The following CUX1 variants were observed in gnomAD, a reference collection of about 807,000 sequenced individuals.
The protein encoded by CUX1 is cut like homeobox 1.
Under a neutral mutation model 158.8 loss-of-function variants are expected in CUX1, and 31 were observed. The observed-to-expected ratio is 0.20, with a 90% CI of 0.15 to 0.26. CUX1 has a LOEUF of 0.26. Among genes scored for constraint, CUX1 ranks in the 10% least tolerant of loss-of-function variants. The probability of loss-of-function intolerance (pLI) is 1.00; values close to 1 mark genes in which losing one functional copy is unlikely to be tolerated. For synonymous variants in CUX1, 879 were observed against 862.1 expected (o/e 1.02, Z -0.34); for missense variants, 1,589 against 2,014.6 (o/e 0.79, Z 4.04).
intron 2 of CUX1, among the ~76,000 whole-genome samples, chr7:102,021,550 C>T (rs1819344143): frequency 6.6e-6 from 1 of 151,952 alleles, no homozygotes; most frequent in Non-Finnish European, 1.5e-5. Flanking sequence ...TCAAGCAATC[C>T]TCCTGCCTTG....
chr7:101,922,309 A>T (rs1368415030), intron 2 of CUX1, among the ~76,000 whole-genome samples: 1 of 152,218 alleles, frequency 6.6e-6, no homozygotes, highest in East Asian at 1.9e-4. Flanking sequence ...GAATGACTGG[A>T]ATCTTCTGAC....
In CUX1 at chr7:102,189,395, TAAAA is replaced by T. The variant is rs781927755; in HGVS notation, c.1018-411_1018-408del. The stretch of plus-strand genomic sequence containing the variant: ...GGGGATGCTTTTTTTTTTTTTTTTT[TAAAA>T]AAAAAAGAGGTAGGGTCTCCACTCC... On this transcript the variant is annotated intron_variant, in intron 11 of 23. Transcript: ENST00000292535. Among the ~76,000 whole-genome samples the T allele has an allele frequency of 7.1e-3, 778 of 108,816 alleles. 9 individuals carry two copies. Among genetic ancestry groups the T allele is most frequent in the Middle Eastern group, 0.028 (4 of 142 alleles). 71.4% of individuals were successfully genotyped at this position (108,816 alleles called of 152,430 possible).
intron 3 of CUX1, among the ~76,000 whole-genome samples, chr7:102,030,689 G>GTGTTTTTTTTTGTTTTTTGTTTTT (rs1554459457): frequency 1.2e-5 from 1 of 82,540 alleles, no homozygotes; most frequent in African/African-American, 5.3e-5. Context: ...ATTTTAAAAA[G>GTGTTTTTTTTTGTTTTTTGTTTTT]TGTTTTTTTT....
At position 102,254,133 on chromosome 7, in the gene CUX1, G is replaced by T; in HGVS notation, c.*5091G>T. ...GCTGTGCTCTGCAAGGCACACGGAT[G>T]TTTCCCTTCCACCTGTTCCCAAAGC... On this transcript the variant is annotated 3_prime_UTR_variant, in exon 24 of 24. Coordinates refer to ENST00000292535, the MANE Select transcript of CUX1 (RefSeq NM_181552.4). The T allele has an allele frequency of 1.0e-6, 1 of 985,426 alleles. No homozygotes were observed. The highest frequency in any genetic ancestry group is 1.2e-6 in the Non-Finnish European group (1 of 829,932). 61.0% of individuals were successfully genotyped at this position (985,426 alleles called of 1,614,324 possible).
In CUX1 at chr7:102,264,406, G is replaced by A. The variant is rs541009135; in HGVS notation, c.1256-8960G>A. 2.4e-4 allele frequency among the ~76,000 whole-genome samples: 37 copies of A among 152,328 alleles called. 1 individual carries two copies. The highest frequency in any genetic ancestry group is 5.2e-4 in the Admixed American group (8 of 15,304). On this transcript the variant is annotated intron_variant, in intron 14 of 22. Coordinates refer to the CUX1 transcript ENST00000292538. Reference sequence around the variant, plus strand: ...AGGCAGTGAGAACTGCCAGTTCAAAGGTCTCGTGGTGCAAATGTCTCTGGA... The same window carrying A: ...AGGCAGTGAGAACTGCCAGTTCAAAAGTCTCGTGGTGCAAATGTCTCTGGA...
At chr7:102,046,509 A>G (rs1822817924) in intron 3 of CUX1, among the ~76,000 whole-genome samples, 1 of 151,050 alleles carries the variant, frequency 6.6e-6, no homozygotes, top group Non-Finnish European at 1.5e-5. Flanking sequence ...CTGGGATTAC[A>G]GGCGTAAGCC....
chr7:102,198,120 C>T (rs1794991692), intron 15 of CUX1, among the ~76,000 whole-genome samples: 1 of 152,056 alleles, frequency 6.6e-6, no homozygotes, highest in Admixed American at 6.6e-5. Flanking sequence ...GTTAGCTGGG[C>T]GTGGTGGCGT....
intron 2 of CUX1, among the ~76,000 whole-genome samples, chr7:102,021,585 G>A (rs1819350674): frequency 6.8e-6 from 1 of 146,904 alleles, no homozygotes; most frequent in Non-Finnish European, 1.5e-5. Context: ...TGGGATTACA[G>A]TTGTGAGCTA....
chr7:102,060,345 T>C (rs1824654164), intron 3 of CUX1, among the ~76,000 whole-genome samples: 1 of 151,834 alleles, frequency 6.6e-6, no homozygotes, highest in South Asian at 2.1e-4. Flanking sequence ...TCCTGCTTGA[T>C]TTGATCACGA....
intron 1 of CUX1, among the ~76,000 whole-genome samples, chr7:101,885,581 A>G (rs1800138977): frequency 1.3e-5 from 2 of 152,036 alleles, no homozygotes; most frequent in Admixed American, 6.6e-5. Context: ...ATAAAGATGG[A>G]AAGATGGGAG....
intron 22 of CUX1, among the ~76,000 whole-genome samples, chr7:102,236,542 CT>C (rs1799587273): frequency 6.6e-6 from 1 of 152,218 alleles, no homozygotes; most frequent in African/African-American, 2.4e-5. Flanking sequence ...TCCCAAAGCG[CT>C]GGGATTACAG....
At chr7:102,094,551 G>A (rs892394632) in intron 4 of CUX1, among the ~76,000 whole-genome samples, 3 of 152,160 alleles carry the variant, frequency 2.0e-5, no homozygotes, top group East Asian at 3.8e-4. Context: ...TTTTTAATTC[G>A]AAGCAGATAC....
In CUX1 at chr7:102,174,099, G is replaced by A. The variant is rs145637290; in HGVS notation, c.828+3549G>A. ...GCTGGCCCAAGTTTGCAGCCATGCT[G>A]GGCTTTGCATAGTTTTGTTTGTTTG... On this transcript the variant is annotated intron_variant, in intron 10 of 23. Coordinates refer to ENST00000292535, the MANE Select transcript of CUX1 (RefSeq NM_181552.4). Among the ~76,000 whole-genome samples, 566 of 152,146 alleles carry A rather than the reference G, an allele frequency of 3.7e-3. 2 individuals carry two copies. The highest frequency in any genetic ancestry group is 0.013 in the African/African-American group (549 of 41,514).
At chr7:101,991,187 C>A (rs1388660874) in intron 2 of CUX1, among the ~76,000 whole-genome samples, 1 of 152,082 alleles carries the variant, frequency 6.6e-6, no homozygotes. Flanking sequence ...TTTAAAAATA[C>A]CGTAAAAAAG....
chr7:101,901,868 C>T (rs1397337726), intron 1 of CUX1, among the ~76,000 whole-genome samples: 1 of 152,240 alleles, frequency 6.6e-6, no homozygotes, highest in Non-Finnish European at 1.5e-5. Flanking sequence ...GGTGCCCTAA[C>T]AAATTGATTC....
rs543665922 is a variant in CUX1 at position 102,241,216 on chromosome 7, G to T, written c.3887+1632G>T. ...TTGGTAGAACAAAGTGCACTGGGAT[G>T]AAGTGTTTGGAGTAGATGGAGGAAA... On this transcript the variant is annotated intron_variant, in intron 23 of 23. Transcript: ENST00000292535. Among the ~76,000 whole-genome samples the T allele has an allele frequency of 3.3e-5, 5 of 152,312 alleles. No individual in the cohort carries two copies. The East Asian group carries it at 9.6e-4, about 29-fold the overall frequency.
chr7:101,934,434 A>G (rs757183350), intron 2 of CUX1, among the ~76,000 whole-genome samples: 3 of 152,188 alleles, frequency 2.0e-5, no homozygotes, highest in Non-Finnish European at 4.4e-5. Flanking sequence ...TTTGGATTCA[A>G]AGAAGTGCCT....
At chr7:102,087,446 G>A (rs969408034) in intron 4 of CUX1, among the ~76,000 whole-genome samples, 3 of 152,080 alleles carry the variant, frequency 2.0e-5, no homozygotes, top group Admixed American at 6.6e-5. Context: ...TGGGCGTGGT[G>A]GCACATGCCT....
rs142572374 is a variant in CUX1 at position 101,909,468 on chromosome 7, C to T, written c.31-6647C>T. Among the ~76,000 whole-genome samples the T allele has an allele frequency of 2.2e-3, 335 of 152,346 alleles. 2 individuals carry two copies. Among genetic ancestry groups the T allele is most frequent in the Non-Finnish European group, 3.7e-3 (250 of 68,034 alleles). ...ACCACCCCTTTCTAGCCAGAGAACCCTCCATTCATCGAAATGATTCTGTTG... is the reference window on the plus strand; with the variant it reads ...ACCACCCCTTTCTAGCCAGAGAACCTTCCATTCATCGAAATGATTCTGTTG... On this transcript the variant is annotated intron_variant, in intron 1 of 23. Coordinates refer to ENST00000292535, the MANE Select transcript of CUX1 (RefSeq NM_181552.4).
Sources: gnomAD v4.1 joint callset for allele counts (sites outside exome capture counted in the v4.1 genomes callset) on GRCh38, gnomAD v4.1.1 for gene constraint, MANE v1.5 for transcripts, NCBI Gene and HGNC (gene_info 2026-07-23, HGNC 2026-07-21) for gene names.